Variants in RBPJ observed in about 807,000 individuals in gnomAD.
The protein encoded by RBPJ is recombining binding protein suppressor of hairless.
Under a neutral mutation model 67.8 loss-of-function variants are expected in RBPJ, and 9 were observed. The observed-to-expected ratio is 0.13, with a 90% CI of 0.08 to 0.23. The LOEUF (loss-of-function observed/expected upper bound fraction) is 0.23. Among genes scored for constraint, RBPJ ranks in the 10% least tolerant of loss-of-function variants. RBPJ has a pLI of 1.00. For missense variants in RBPJ, 305 were observed against 595.6 expected (o/e 0.51, Z 5.08); for synonymous variants, 198 against 203.3 (o/e 0.97, Z 0.22).
chr4:26,215,274 A>AGAGACG (rs1174307685), intron 1 of RBPJ, among the ~76,000 whole-genome samples: 1 of 83,850 alleles, frequency 1.2e-5, no homozygotes, highest in Admixed American at 1.4e-4. Context: ...GGAGGGAGGA[A>AGAGACG]AAAGAGAGAG....
chr4:26,195,816 G>C (rs1011494804), intron 1 of RBPJ, among the ~76,000 whole-genome samples: 1 of 152,104 alleles, frequency 6.6e-6, no homozygotes, highest in Non-Finnish European at 1.5e-5. Flanking sequence ...GGCTGGTCTT[G>C]AACTCCTGAC....
chr4:26,192,000 A>G (rs1717570293), intron 1 of RBPJ, among the ~76,000 whole-genome samples: 1 of 139,342 alleles, frequency 7.2e-6, no homozygotes, highest in Non-Finnish European at 1.5e-5. Context: ...TGTTTGTCCC[A>G]TTCTTTAAAA....
chr4:26,266,498 T>G (rs1337524678), intron 1 of RBPJ, among the ~76,000 whole-genome samples: 1 of 152,176 alleles, frequency 6.6e-6, no homozygotes, highest in Non-Finnish European at 1.5e-5. Context: ...GCAAGGCCTA[T>G]TTGTTCAGAT....
intron 1 of RBPJ, among the ~76,000 whole-genome samples, chr4:26,274,733 C>T (rs373771322): frequency 6.6e-6 from 1 of 152,128 alleles, no homozygotes; most frequent in Non-Finnish European, 1.5e-5. Flanking sequence ...ACCAGGAGTT[C>T]AAGACCAGCC....
At chr4:26,265,990 T>G (rs980212398) in intron 1 of RBPJ, among the ~76,000 whole-genome samples, 6 of 151,948 alleles carry the variant, frequency 3.9e-5, no homozygotes, top group African/African-American at 1.5e-4. Flanking sequence ...ACGATCGCAC[T>G]ACTTCACTCC....
At chr4:26,386,829 A>G (rs1730963912) in intron 2 of RBPJ, among the ~76,000 whole-genome samples, 2 of 152,218 alleles carry the variant, frequency 1.3e-5, no homozygotes. Context: ...TGTACAATAT[A>G]CATTTTAATT....
At chr4:26,329,284 T>C (rs567935921) in intron 1 of RBPJ, among the ~76,000 whole-genome samples, 1 of 152,110 alleles carries the variant, frequency 6.6e-6, no homozygotes, top group African/African-American at 2.4e-5. Flanking sequence ...TGAGCCACCG[T>C]TCCTGGCGGC....
At chr4:26,189,947 A>AAC (rs374518337) in intron 1 of RBPJ, among the ~76,000 whole-genome samples, 149 of 152,142 alleles carry the variant, frequency 9.8e-4, no homozygotes, top group Non-Finnish European at 1.6e-3. Context: ...CAACACACCC[A>AAC]ACACACACAC....
At chr4:26,239,289 C>T in intron 1 of RBPJ, among the ~76,000 whole-genome samples, 1 of 152,186 alleles carries the variant, frequency 6.6e-6, no homozygotes, top group East Asian at 1.9e-4. Flanking sequence ...TATCCGCTGC[C>T]TGGAGCAGGT....
chr4:26,242,513 C>A (rs905485192), intron 1 of RBPJ, among the ~76,000 whole-genome samples: 31 of 150,072 alleles, frequency 2.1e-4, no homozygotes, highest in Admixed American at 5.3e-4. Context: ...TCCTCAGGAA[C>A]CACTAAGACC....
At chr4:26,125,808 A>G in the RBPJ span, among the ~76,000 whole-genome samples, 1 of 152,184 alleles carries the variant, frequency 6.6e-6, no homozygotes, top group South Asian at 2.1e-4. Context: ...CAAAAAAAAA[A>G]AAAAATCGTC....
At chr4:26,113,686 C>T in the RBPJ span, 1 of 272,644 alleles carries the variant, frequency 3.7e-6, no homozygotes, top group South Asian at 4.9e-5. Flanking sequence ...GAAAATTCTT[C>T]TGTGTGAAGT....
chr4:26,230,562 C>T (rs1200940673), intron 1 of RBPJ, among the ~76,000 whole-genome samples: 1 of 152,186 alleles, frequency 6.6e-6, no homozygotes, highest in Non-Finnish European at 1.5e-5. Flanking sequence ...GTGGCAGAGC[C>T]AGGGTTGGAC....
intron 1 of RBPJ, among the ~76,000 whole-genome samples, chr4:26,269,672 T>G: frequency 6.6e-6 from 1 of 152,186 alleles, no homozygotes; most frequent in Non-Finnish European, 1.5e-5. Context: ...AATTCATTCT[T>G]ACAGCCTCAG....
rs763240753 is a variant in RBPJ, at chr4:26,430,077, G to A, written c.1044+24G>A. 2 of 1,613,334 alleles carry A rather than the reference G, an allele frequency of 1.2e-6. No homozygotes were observed. The highest frequency in any genetic ancestry group is 1.7e-5 in the Admixed American group (1 of 60,008). On this transcript the variant is annotated intron_variant, in intron 9 of 10. Coordinates refer to ENST00000355476, the MANE Select transcript of RBPJ (RefSeq NM_015874.6). This position sits in a 1 kb window ranked among gnomAD's most constrained non-coding sequence, Gnocchi z 4.1. Reference sequence around the variant, plus strand: ...AGGTGAGAACGCCTAGTCCAAGTTGGCCTTCAGCTCTTTGCAGCTACTCTC... The same window carrying A: ...AGGTGAGAACGCCTAGTCCAAGTTGACCTTCAGCTCTTTGCAGCTACTCTC...
At chr4:26,393,582 C>T (rs1012616018) in intron 2 of RBPJ, among the ~76,000 whole-genome samples, 1 of 152,086 alleles carries the variant, frequency 6.6e-6, no homozygotes, top group Non-Finnish European at 1.5e-5. Context: ...CCCATATGGC[C>T]CAGGCTAGTC....
chr4:26,177,750 T>C (rs1716846654), intron 1 of RBPJ, among the ~76,000 whole-genome samples: 1 of 152,172 alleles, frequency 6.6e-6, no homozygotes, highest in African/African-American at 2.4e-5. Flanking sequence ...TAATATATAC[T>C]TATCTTAGAA....
At chr4:26,160,179 A>G (rs932346146), upstream of RBPJ, among the ~76,000 whole-genome samples, 1 of 152,126 alleles carries the variant, frequency 6.6e-6, no homozygotes, top group Non-Finnish European at 1.5e-5. Context: ...CGGCCTCCCA[A>G]AGTGCTGGGA....
chr4:26,122,035 TCAGG>T, the RBPJ span, among the ~76,000 whole-genome samples: 1 of 152,156 alleles, frequency 6.6e-6, no homozygotes, highest in Non-Finnish European at 1.5e-5. Flanking sequence ...CATGATCGGT[TCAGG>T]CATAAACTTT....
Sources: allele counts gnomAD v4.1 joint callset (sites outside exome capture counted in the v4.1 genomes callset), GRCh38; gene constraint gnomAD v4.1.1; non-coding constraint Gnocchi (gnomAD v3.1); transcripts MANE v1.5; gene names NCBI Gene and HGNC (gene_info 2026-07-23, HGNC 2026-07-21).